MFSD6: variants seen among roughly 807,000 people sequenced by gnomAD.
MFSD6 encodes the protein major facilitator superfamily domain containing 6.
A neutral mutation model predicts 56.3 loss-of-function variants in MFSD6; 26 were observed. The ratio of observed to expected loss-of-function variants is 0.46; its 90% CI spans 0.34 to 0.64. The LOEUF is 0.64. Ranked by LOEUF, MFSD6 falls within the 30% of genes least tolerant of loss-of-function variation. The pLI, the probability that MFSD6 is intolerant of heterozygous loss-of-function variation, is 0.01. For synonymous variants in MFSD6, 331 were observed against 366.9 expected (o/e 0.90, Z 1.12); for missense variants, 750 against 986.2 (o/e 0.76, Z 3.21).
At chr2:190,432,211 T>C (rs1285807177) in intron 2 of MFSD6, among the ~76,000 whole-genome samples, 9 of 152,168 alleles carry the variant, frequency 5.9e-5, no homozygotes, top group African/African-American at 1.9e-4. Flanking sequence ...GCTAACCAGA[T>C]TTTCTAGAGA....
chr2:190,458,482 G>C lies in MFSD6; in HGVS notation c.1533-11276G>C, dbSNP rs1338131197. Among the ~76,000 whole-genome samples, 1 of 152,112 alleles carries C rather than the reference G, an allele frequency of 6.6e-6. No homozygotes were observed. The highest frequency in any genetic ancestry group is 1.5e-5 in the Non-Finnish European group (1 of 68,004). ...TTTTGGACTTTTGGCTCCCAGAACT[G>C]TGAGAAAATAAATTTCTGTTGTTGA... On this transcript the variant is annotated intron_variant, in intron 3 of 7. Coordinates refer to ENST00000392328, the MANE Select transcript of MFSD6 (RefSeq NM_017694.4). This position sits in a 1 kb window ranked among gnomAD's most constrained non-coding sequence, Gnocchi z 5.3.
At chr2:190,446,770 A>C (rs142752415) in intron 3 of MFSD6, among the ~76,000 whole-genome samples, 1 of 152,178 alleles carries the variant, frequency 6.6e-6, no homozygotes, top group African/African-American at 2.4e-5. Context: ...AATACAAGAG[A>C]TGAATACTCG....
At chr2:190,478,513 G>A (rs1688472917) in intron 4 of MFSD6, among the ~76,000 whole-genome samples, 1 of 152,162 alleles carries the variant, frequency 6.6e-6, no homozygotes, top group Non-Finnish European at 1.5e-5. Context: ...TGCTAGTTTG[G>A]ATTCGTCTGC....
chr2:190,443,442 T>C lies in MFSD6; in HGVS notation c.1532+5881T>C, dbSNP rs1382698032. Among the ~76,000 whole-genome samples, 1 of 152,200 alleles carries C rather than the reference T, an allele frequency of 6.6e-6. No individual in the cohort carries two copies. The highest frequency in any genetic ancestry group is 1.9e-4 in the East Asian group (1 of 5,200). On this transcript the variant is annotated intron_variant, in intron 3 of 7. Coordinates refer to ENST00000392328, the MANE Select transcript of MFSD6 (RefSeq NM_017694.4). This position sits in a 1 kb window ranked among gnomAD's most constrained non-coding sequence, Gnocchi z 4.2. ...ACCAGCATAGATTAGGAGTTCAGCT[T>C]ATTTTACTTTTTTTCTGTCAGTCTG...
At chr2:190,483,399 CA>C (rs1228488921) in intron 4 of MFSD6, among the ~76,000 whole-genome samples, 1 of 152,182 alleles carries the variant, frequency 6.6e-6, no homozygotes, top group East Asian at 1.9e-4. Flanking sequence ...TGACTCTGGA[CA>C]AGGCATCTAA....
upstream of MFSD6, among the ~76,000 whole-genome samples, chr2:190,408,186 G>A (rs928524587): frequency 1.3e-5 from 2 of 151,876 alleles, no homozygotes; most frequent in Non-Finnish European, 2.9e-5. Flanking sequence ...AACGGGTCCA[G>A]CCGGTAGTGA....
Position 190,436,831 on chromosome 2 carries a change from A to C in MFSD6, c.802A>C (p.Lys268Gln). ...ETTTVIVTTT[K>Q]SLPSDQVMLV... ...AACCACTGTTATTGTTACCACCACC[A>C]AATCTTTACCTTCTGACCAAGTCAT... The change falls in exon 3 of 8, where the codon AAA becomes CAA. Residue 268 changes from lysine to glutamine, a missense_variant. By Grantham distance (53) the Lys-to-Gln change is moderately conservative. Coordinates refer to ENST00000392328, the MANE Select transcript of MFSD6 (RefSeq NM_017694.4). This position sits in a 1 kb window ranked among gnomAD's most constrained non-coding sequence, Gnocchi z 5.3. 1 of 1,614,206 alleles carries C rather than the reference A, an allele frequency of 6.2e-7. No homozygotes were observed. The highest frequency in any genetic ancestry group is 8.5e-7 in the Non-Finnish European group (1 of 1,180,022).
rs143696086 is a variant in MFSD6, at chr2:190,446,594, G to A, written c.1532+9033G>A. Among the ~76,000 whole-genome samples the A allele has an allele frequency of 3.9e-4, 60 of 152,324 alleles. No individual in the cohort carries two copies. The East Asian group carries it at 9.8e-3, about 25-fold the overall frequency. On this transcript the variant is annotated intron_variant, in intron 3 of 7. Transcript: ENST00000392328. ...GAAGTTTTTAAAATTTGGGGGATCA[G>A]AGAGAGGGAGGAACTAGGAAGGCAC...
In MFSD6 at chr2:190,463,118, A is replaced by G. The variant is rs1471828795; in HGVS notation, c.1533-6640A>G. On this transcript the variant is annotated intron_variant, in intron 3 of 7. Transcript: ENST00000392328. This position sits in a 1 kb window ranked among gnomAD's most constrained non-coding sequence, Gnocchi z 4.4. ...ACAGCAAAACCCTATTCTGCTAGTG[A>G]GGGACACAGAAATCCTGGCAAGATA... Among the ~76,000 whole-genome samples, 2 of 152,242 alleles carry G rather than the reference A, an allele frequency of 1.3e-5. No individual in the cohort carries two copies. Among genetic ancestry groups the G allele is most frequent in the African/African-American group, 2.4e-5 (1 of 41,456 alleles).
chr2:190,448,578 T>C (rs566697946), intron 3 of MFSD6, among the ~76,000 whole-genome samples: 3 of 152,278 alleles, frequency 2.0e-5, no homozygotes, highest in African/African-American at 7.2e-5. Flanking sequence ...AATACACAAT[T>C]CAGTACAGTT....
intron 3 of MFSD6, chr2:190,444,926 A>G (rs1686517159): frequency 3.8e-6 from 3 of 788,920 alleles, no homozygotes; most frequent in Non-Finnish European, 4.6e-6. Flanking sequence ...TGCACTATGT[A>G]TCTTGGTAAA....
intron 2 of MFSD6, among the ~76,000 whole-genome samples, chr2:190,421,674 G>A (rs889836991): frequency 1.6e-4 from 24 of 152,038 alleles, no homozygotes; most frequent in African/African-American, 5.8e-4. Flanking sequence ...GGGCACCTCA[G>A]CATCCCAAGT....
At chr2:190,411,993 C>A in intron 1 of MFSD6, 6 of 985,322 alleles carry the variant, frequency 6.1e-6, no homozygotes, top group Non-Finnish European at 6.0e-6. Context: ...CCTGCTGTGT[C>A]ATCTCATGAA....
chr2:190,437,122 T>C lies in MFSD6; in HGVS notation c.1093T>C (p.Tyr365His). The C allele has an allele frequency of 6.2e-7, 1 of 1,614,218 alleles. No homozygotes were observed. Reference sequence around the variant, plus strand: ...TGGAAAGGGGTGTAAGCCCCCCGAGTACAGGAATTACCAGATCGTCTTCAT... The same window carrying C: ...TGGAAAGGGGTGTAAGCCCCCCGAGCACAGGAATTACCAGATCGTCTTCAT... ...IDGKGCKPPE[Y>H]RNYQIVFIVF... Residue 365 changes from tyrosine (Y) to histidine (H), a missense_variant, in exon 3 of 8, where the codon TAC becomes CAC. Tyr to His is a moderately conservative substitution (Grantham distance 83). Transcript: ENST00000392328. The surrounding 1 kb of genome is among the most constrained non-coding windows in gnomAD (Gnocchi z 5.9).
rs1016789041 is a variant in MFSD6 at position 190,485,394 on chromosome 2, T to C, written c.1631-3263T>C. The stretch of plus-strand genomic sequence containing the variant: ...CAGCATTAAAGTTAACCTACTACCA[T>C]TTGATGTGTTTTCAGGTTTTCGGTA... On this transcript the variant is annotated intron_variant, in intron 4 of 7. Coordinates refer to ENST00000392328, the MANE Select transcript of MFSD6 (RefSeq NM_017694.4). This position sits in a 1 kb window ranked among gnomAD's most constrained non-coding sequence, Gnocchi z 5.1. Among the ~76,000 whole-genome samples, 5 of 152,216 alleles carry C rather than the reference T, an allele frequency of 3.3e-5. No homozygotes were observed. Among genetic ancestry groups the C allele is most frequent in the African/African-American group, 9.6e-5 (4 of 41,460 alleles).
chr2:190,408,870 C>T (rs1200768504), intron 1 of MFSD6, among the ~76,000 whole-genome samples: 1 of 152,174 alleles, frequency 6.6e-6, no homozygotes, highest in Non-Finnish European at 1.5e-5. Context: ...GCGCCCACAG[C>T]TGCTGCCGCG....
In MFSD6 at chr2:190,425,187, A is replaced by G. The variant is rs1185526336; in HGVS notation, c.-54+9774A>G. 1.3e-5 allele frequency among the ~76,000 whole-genome samples: 2 copies of G among 152,168 alleles called. No homozygotes were observed. Among genetic ancestry groups the G allele is most frequent in the Non-Finnish European group, 2.9e-5 (2 of 68,024 alleles). ...AAATACAATTAATTATTGTATGCTT[A>G]TCTTGTATCCTGTGAACTTGCTGAA... On this transcript the variant is annotated intron_variant, in intron 2 of 7. Coordinates refer to ENST00000392328, the MANE Select transcript of MFSD6 (RefSeq NM_017694.4). The surrounding 1 kb of genome is among the most constrained non-coding windows in gnomAD (Gnocchi z 4.3).
chr2:190,408,970 AG>A (rs754014883), intron 1 of MFSD6, among the ~76,000 whole-genome samples: 7 of 152,174 alleles, frequency 4.6e-5, no homozygotes, highest in Non-Finnish European at 8.8e-5. Flanking sequence ...GGGAAAAAGG[AG>A]GAGGTGAGAA....
chr2:190,480,797 CA>C (rs1688619895), intron 4 of MFSD6, among the ~76,000 whole-genome samples: 1 of 152,138 alleles, frequency 6.6e-6, no homozygotes. Context: ...CTAATCCATG[CA>C]AAGTATTTAG....
Sources: allele counts gnomAD v4.1 joint callset (sites outside exome capture counted in the v4.1 genomes callset), GRCh38; gene constraint gnomAD v4.1.1; non-coding constraint Gnocchi (gnomAD v3.1); transcripts MANE v1.5; gene names NCBI Gene and HGNC (gene_info 2026-07-23, HGNC 2026-07-21).